Variants in KIAA0586 observed in about 807,000 individuals in gnomAD.
The protein encoded by KIAA0586 is KIAA0586, also known as protein TALPID3.
A neutral mutation model predicts 169.8 loss-of-function variants in KIAA0586; 144 were observed. The ratio of observed to expected loss-of-function variants is 0.85; its 90% CI spans 0.74 to 0.97. KIAA0586 has a LOEUF of 0.97. Ranked by LOEUF, KIAA0586 falls within the 50% of genes least tolerant of loss-of-function variation. The pLI, the probability that KIAA0586 is intolerant of heterozygous loss-of-function variation, is 0.00. For synonymous variants in KIAA0586, 625 were observed against 612.4 expected (o/e 1.02, Z -0.30); for missense variants, 1,854 against 1,823.0 (o/e 1.02, Z -0.31).
chr14:58,492,705 A>G (rs1180586894), intron 26 of KIAA0586, among the ~76,000 whole-genome samples: 1 of 152,252 alleles, frequency 6.6e-6, no homozygotes, highest in Non-Finnish European at 1.5e-5. Flanking sequence ...ATGAACACAC[A>G]GGAGAAAAGA....
At chr14:58,444,362 T>C (rs2038673027) in intron 6 of KIAA0586, among the ~76,000 whole-genome samples, 187 bp downstream of exon 6, 1 of 152,222 alleles carries the variant, frequency 6.6e-6, no homozygotes, top group Non-Finnish European at 1.5e-5. Flanking sequence ...TGTCACTAGT[T>C]GTGTGAGACC....
intron 27 of KIAA0586, among the ~76,000 whole-genome samples, chr14:58,508,008 C>T (rs1468779481): frequency 6.6e-6 from 1 of 152,098 alleles, no homozygotes; most frequent in Admixed American, 6.6e-5. Context: ...TGGTCTCAAA[C>T]TCCTGACCTT....
rs374232738 is a variant in KIAA0586, at chr14:58,528,051, C to T, written c.4430-12020C>T. Among the ~76,000 whole-genome samples, 4 of 152,180 alleles carry T rather than the reference C, an allele frequency of 2.6e-5. 1 individual carries two copies. The stretch of plus-strand genomic sequence containing the variant: ...TGGAAAGCAAAAAAAGCATGGGATG[C>T]AATCCTAGTCTCTGATAAAACAGAC... On this transcript the variant is annotated intron_variant, in intron 29 of 30. Transcript: ENST00000652326.
chr14:58,501,424 G>A (rs186264263), intron 27 of KIAA0586, among the ~76,000 whole-genome samples: 2 of 152,272 alleles, frequency 1.3e-5, no homozygotes, highest in East Asian at 1.9e-4. Flanking sequence ...GGTGGCTCTC[G>A]CAGATCACTT....
intron 18 of KIAA0586, 26 bp from the exon 19 acceptor site, chr14:58,474,581 A>G: frequency 6.7e-7 from 1 of 1,483,554 alleles, no homozygotes; most frequent in Non-Finnish European, 9.1e-7. Flanking sequence ...ACATGAATAT[A>G]ATAGTTTTGT....
intron 25 of KIAA0586, among the ~76,000 whole-genome samples, chr14:58,490,759 G>C (rs1466130548): frequency 6.6e-6 from 1 of 151,922 alleles, no homozygotes; most frequent in Non-Finnish European, 1.5e-5. Context: ...TAAATATATA[G>C]AAGTGATAGT....
chr14:58,449,939 G>T (rs1434378511), intron 7 of KIAA0586, among the ~76,000 whole-genome samples: 1 of 151,940 alleles, frequency 6.6e-6, no homozygotes, highest in Non-Finnish European at 1.5e-5. Flanking sequence ...TTTTTCTTGG[G>T]CAAATATCAT....
At chr14:58,543,202 T>A (rs1457517472) in intron 30 of KIAA0586, among the ~76,000 whole-genome samples, 1 of 151,550 alleles carries the variant, frequency 6.6e-6, no homozygotes, top group Non-Finnish European at 1.5e-5. Flanking sequence ...TTGAGAAAAC[T>A]GGGGTTCAGA....
chr14:58,449,383 T>C (rs1010628369), intron 7 of KIAA0586, among the ~76,000 whole-genome samples: 3 of 152,064 alleles, frequency 2.0e-5, no homozygotes, highest in Admixed American at 2.0e-4. Flanking sequence ...TAAAAAATTA[T>C]CCAGGTGTGG....
At chr14:58,484,902 A>ATTTATATATATT (rs1269889812) in intron 21 of KIAA0586, among the ~76,000 whole-genome samples, 29 of 12,448 alleles carry the variant, frequency 2.3e-3, no homozygotes, top group Admixed American at 3.9e-3. Context: ...ATATATATAT[A>ATTTATATATATT]TATATATATA....
In KIAA0586 at chr14:58,498,950, C is replaced by T; in HGVS notation, c.4158C>T (p.Asp1386=). 1 of 1,600,494 alleles carries T rather than the reference C, an allele frequency of 6.2e-7. No individual in the cohort carries two copies. Among genetic ancestry groups the T allele is most frequent in the Non-Finnish European group, 8.5e-7 (1 of 1,173,308 alleles). The part of the protein sequence containing the change: ...CDPKPLSRQF[D]TVSGSIYEDS... ...CTAAACCATTATCTCGGCAATTTGA[C>T]ACAGTTTCAGGTAGACACCAAAATA... Residue 1386 remains aspartate, a synonymous_variant, in exon 27 of 31, where the codon GAC becomes GAT. Transcript: ENST00000652326.
chr14:58,460,431 G>A (rs1432761465), intron 13 of KIAA0586, among the ~76,000 whole-genome samples: 1 of 152,076 alleles, frequency 6.6e-6, no homozygotes, highest in Non-Finnish European at 1.5e-5. Flanking sequence ...TTTAACAAAT[G>A]CATGTTTAGT....
In KIAA0586 at chr14:58,444,021, A is replaced by G. The variant is rs767563898; in HGVS notation, c.653A>G (p.Asp218Gly). The G allele has an allele frequency of 3.7e-6, 6 of 1,612,254 alleles. No homozygotes were observed. In the East Asian group the frequency reaches 1.3e-4, roughly 36 times the overall value. The change falls in exon 6 of 31, where the codon GAT (aspartate) becomes GGT (glycine). Residue 218 changes from aspartate to glycine, a missense_variant. Physicochemically the swap from Asp to Gly is moderately conservative, Grantham distance 94. Transcript: ENST00000652326. ...TELLSKLQETDKHLQRVTEQQ... is the reference protein window; with the variant it reads ...TELLSKLQETGKHLQRVTEQQ... ...TTACTTAGTAAATTACAGGAGACTGATAAACACCTGCAACGTGTTACAGAG... is the reference window on the plus strand; with the variant it reads ...TTACTTAGTAAATTACAGGAGACTGGTAAACACCTGCAACGTGTTACAGAG...
At chr14:58,537,225 T>C in intron 29 of KIAA0586, 1 of 1,006,240 alleles carries the variant, frequency 9.9e-7, no homozygotes, top group Non-Finnish European at 1.2e-6. Flanking sequence ...ACTGTGATAG[T>C]GGCTTATTTT....
At chr14:58,468,562 A>G (rs1430566605) in intron 16 of KIAA0586, among the ~76,000 whole-genome samples, 2 of 152,244 alleles carry the variant, frequency 1.3e-5, no homozygotes, top group Admixed American at 6.5e-5. Flanking sequence ...AACATATGTT[A>G]GAAGACTTGA....
chr14:58,540,283 G>A, intron 30 of KIAA0586, 147 bp downstream of exon 30: 1 of 567,558 alleles, frequency 1.8e-6, no homozygotes, highest in Non-Finnish European at 3.1e-6. Context: ...ATTCACCCCA[G>A]GTTACAAACT....
intron 26 of KIAA0586, among the ~76,000 whole-genome samples, chr14:58,496,904 A>C (rs910995673): frequency 2.0e-5 from 3 of 152,162 alleles, no homozygotes; most frequent in African/African-American, 2.4e-5. Context: ...ATAATTTTTT[A>C]ATACAGAAAG....
rs2036967575 is a variant in KIAA0586, at chr14:58,427,881, C to T, written c.-384C>T. On this transcript the variant is annotated 5_prime_UTR_variant, in exon 1 of 31. Coordinates refer to ENST00000652326, the MANE Select transcript of KIAA0586 (RefSeq NM_001329943.3). ...ATGTGGGTCATTATTTTAAAAATAG[C>T]ATTTCGCTTTTATTTGCTTGACTGC... is the stretch of plus-strand genomic sequence containing the variant. 3 of 1,372,276 alleles carry T rather than the reference C, an allele frequency of 2.2e-6. No individual in the cohort carries two copies. Among genetic ancestry groups the T allele is most frequent in the Non-Finnish European group, 2.9e-6 (3 of 1,047,172 alleles). 85.0% of individuals were successfully genotyped at this position (1,372,276 alleles called of 1,614,324 possible).
chr14:58,431,110 G>A (rs1415816024), intron 3 of KIAA0586, among the ~76,000 whole-genome samples: 1 of 152,020 alleles, frequency 6.6e-6, no homozygotes, highest in Non-Finnish European at 1.5e-5. Context: ...CATTTATTAC[G>A]TAGTCTTATA....
Sources: gnomAD v4.1 joint callset for allele counts (sites outside exome capture counted in the v4.1 genomes callset) on GRCh38, gnomAD v4.1.1 for gene constraint, MANE v1.5 for transcripts, NCBI Gene and HGNC (gene_info 2026-07-23, HGNC 2026-07-21) for gene names.